PRR35: variants seen among roughly 807,000 people sequenced by gnomAD.
PRR35 encodes the protein proline rich 35.
PRR35 carries 14 observed loss-of-function variants against 18.6 expected under a neutral mutation model. The observed-to-expected ratio is 0.75, with a 90% confidence interval of 0.50 to 1.18. PRR35 has a LOEUF of 1.18. Ranked by LOEUF, PRR35 falls within the 50% of genes most tolerant of loss-of-function variation. The pLI is 0.00. For synonymous variants in PRR35, 425 were observed against 378.2 expected, an observed-to-expected ratio of 1.12 and a Z score of -1.43; for missense variants, 832 against 792.2, an observed-to-expected ratio of 1.05 and a Z score of -0.60.
At position 564,221 on chromosome 16, in the gene PRR35, G is replaced by T; in HGVS notation, c.927G>T (p.Leu309=). The T allele has an allele frequency of 6.4e-7, 1 of 1,570,466 alleles. No individual in the cohort carries two copies. The highest frequency in any genetic ancestry group is 8.6e-7 in the Non-Finnish European group (1 of 1,164,076). Residue 309 remains leucine, a synonymous_variant, in exon 2 of 3, where the codon CTG becomes CTT. Coordinates refer to ENST00000409413, the MANE Select transcript of PRR35 (RefSeq NM_145270.3). ...PGLLKVPVPG[L]GPWPRVTPRD... ...TGCTGAAGGTGCCAGTTCCAGGGCT[G>T]GGGCCCTGGCCCCGAGTCACCCCCA...
Position 565,240 on chromosome 16 carries a change from C to CGACG in PRR35, c.1650_1653dup (p.Arg552AspfsTer8). On this transcript the variant is annotated frameshift_variant, in exon 3 of 3. Coordinates refer to ENST00000409413, the MANE Select transcript of PRR35 (RefSeq NM_145270.3). LOFTEE classifies it low-confidence loss of function (END_TRUNC). Reference sequence around the variant, plus strand: ...GGCAGTGGCTGGGGCACCTGTGTTGCGACGAGGAGTTCCCAGACCCCTGAG... The same window carrying CGACG: ...GGCAGTGGCTGGGGCACCTGTGTTGCGACGGACGAGGAGTTCCCAGACCCCTGAG... 6.2e-7 allele frequency: 1 copy of CGACG among 1,602,232 alleles called. No homozygotes were observed. Among genetic ancestry groups the CGACG allele is most frequent in the Non-Finnish European group, 8.5e-7 (1 of 1,175,046 alleles).
At chr16:562,519 AGGCGCACACACG>A (rs2035452740) in intron 1 of PRR35, among the ~76,000 whole-genome samples, 3 of 122,128 alleles carry the variant, frequency 2.5e-5, no homozygotes, top group Admixed American at 1.8e-4. Context: ...ATGCACACAC[AGGCGCACACACG>A]TGTGCACACA....
At chr16:559,865 G>A (rs1232610247), upstream of PRR35, 3 of 595,250 alleles carry the variant, frequency 5.0e-6, no homozygotes, top group South Asian at 7.4e-5. Context: ...GCCCAGGGAG[G>A]GCAAGGAAGG....
At chr16:560,991 G>A (rs2035424683) in intron 1 of PRR35, among the ~76,000 whole-genome samples, 1 of 151,176 alleles carries the variant, frequency 6.6e-6, no homozygotes, top group African/African-American at 2.5e-5. Flanking sequence ...GCTGCTGGGT[G>A]CCCCCTCCTG....
intron 1 of PRR35, chr16:561,706 A>G (rs1199466004): frequency 3.0e-6 from 3 of 984,594 alleles, no homozygotes; most frequent in Non-Finnish European, 3.6e-6. Flanking sequence ...GCACCAACAC[A>G]GTGTTTTGGG....
At chr16:562,465 CA>C (rs1194936457) in intron 1 of PRR35, among the ~76,000 whole-genome samples, 10 of 152,138 alleles carry the variant, frequency 6.6e-5, no homozygotes, top group Non-Finnish European at 1.3e-4. Flanking sequence ...CATGCACACA[CA>C]ATGCACACAC....
Position 560,422 on chromosome 16 carries a change from GGGACGCGGGC to G in PRR35, c.-276_-267del. On this transcript the variant is annotated 5_prime_UTR_variant, in exon 1 of 3. Coordinates refer to ENST00000409413, the MANE Select transcript of PRR35 (RefSeq NM_145270.3). Reference sequence around the variant, plus strand: ...TTCGGGAGGTGCGAGCGGCGTCGGGGGGACGCGGGCGGCGGCGGAGGCTGCGGGAGTCGCT... The same window carrying G: ...TTCGGGAGGTGCGAGCGGCGTCGGGGGGCGGCGGAGGCTGCGGGAGTCGCT... The G allele has an allele frequency of 1.0e-6, 1 of 983,164 alleles. No homozygotes were observed. The allele number at this position is 983,164 out of a possible 1,614,324, so 60.9% of individuals were successfully genotyped here.
intron 1 of PRR35, among the ~76,000 whole-genome samples, chr16:563,046 T>TTTTTC (rs2035466755): frequency 6.6e-6 from 1 of 151,586 alleles, no homozygotes; most frequent in African/African-American, 2.4e-5. Context: ...TTTTTTTTTT[T>TTTTTC]TTTTTGGTGC....
chr16:563,170 T>A, intron 1 of PRR35, 86 bp from the exon 2 acceptor site: 1 of 1,290,800 alleles, frequency 7.7e-7, no homozygotes, highest in Non-Finnish European at 1.0e-6. Context: ...CAGGCTCCAG[T>A]CCCTGGAGCC....
chr16:562,970 G>A (rs2035464131), intron 1 of PRR35, among the ~76,000 whole-genome samples: 1 of 151,722 alleles, frequency 6.6e-6, no homozygotes, highest in African/African-American at 2.4e-5. Context: ...TATTGCCTAG[G>A]CTACACTTAA....
chr16:563,345 G>C lies in PRR35; in HGVS notation c.51G>C (p.Arg17=), dbSNP rs1046872260. The stretch of plus-strand genomic sequence containing the variant: ...GCGTGGGCACAGGGGCGAGGGCGCG[G>C]TCTCGGAAGCCCAAGAAGCCACACT... The part of the protein sequence containing the change: ...SCRVGTGARA[R]SRKPKKPHYI... Residue 17 remains arginine, a synonymous_variant, in exon 2 of 3, where the codon CGG becomes CGC. Transcript: ENST00000409413. The C allele has an allele frequency of 6.2e-7, 1 of 1,611,914 alleles. No individual in the cohort carries two copies. The highest frequency in any genetic ancestry group is 1.3e-5 in the African/African-American group (1 of 74,884).
At chr16:564,631 C>A in intron 2 of PRR35, 43 bp from the exon 3 acceptor site, 1 of 1,479,922 alleles carries the variant, frequency 6.8e-7, no homozygotes. Flanking sequence ...GCCGGGGGCG[C>A]TGTGGGGGCA....
chr16:561,777 G>A (rs544551309), intron 1 of PRR35: 470 of 985,454 alleles, frequency 4.8e-4, no homozygotes, highest in Non-Finnish European at 5.0e-4. Context: ...GCATGACCAC[G>A]GGTGCGACCC....
chr16:560,229 G>A (rs1409117113), upstream of PRR35: 7 of 623,722 alleles, frequency 1.1e-5, no homozygotes, highest in Non-Finnish European at 1.2e-5. Context: ...CCCGGCGCAC[G>A]AGGCCGGTGA....
chr16:562,873 T>C (rs1001145577), intron 1 of PRR35, among the ~76,000 whole-genome samples: 1 of 152,260 alleles, frequency 6.6e-6, no homozygotes, highest in East Asian at 1.9e-4. Flanking sequence ...TGGGGATGTG[T>C]GTAGGGTCAA....
chr16:560,084 C>T (rs1596372521), upstream of PRR35, among the ~76,000 whole-genome samples: 4 of 151,866 alleles, frequency 2.6e-5, no homozygotes, highest in South Asian at 8.3e-4. Flanking sequence ...ACCCCCGCGG[C>T]AGCCTGCGGG....
intron 1 of PRR35, 84 bp downstream of exon 1, chr16:560,745 A>C (rs886682507): frequency 5.9e-5 from 51 of 863,262 alleles, no homozygotes; most frequent in Non-Finnish European, 7.0e-5. Context: ...GCGGGTGGCC[A>C]GGCGTGTGGG....
intron 1 of PRR35, 118 bp from the exon 2 acceptor site, chr16:563,138 G>A: frequency 9.7e-7 from 1 of 1,031,544 alleles, no homozygotes; most frequent in South Asian, 1.8e-5. Context: ...CAGGGCAGAG[G>A]CGGCGGGGTG....
chr16:565,054 A>G lies in PRR35; in HGVS notation c.1463A>G (p.Glu488Gly). 6 of 1,594,562 alleles carry G rather than the reference A, an allele frequency of 3.8e-6. No homozygotes were observed. Among genetic ancestry groups the G allele is most frequent in the Non-Finnish European group, 5.1e-6 (6 of 1,170,874 alleles). Residue 488 changes from glutamate (E) to glycine (G), a missense_variant, in exon 3 of 3, where the codon GAG becomes GGG. Around this residue, in one of 3 missense-constraint regions of PRR35, gnomAD observed 768 missense variants for 704.1 expected, o/e 1.09. Coordinates refer to ENST00000409413, the MANE Select transcript of PRR35 (RefSeq NM_145270.3). ...CTTGGAGAGGCGTGGGGGCGGCCCGAGCTGGGTCCCGTGTTGACCGGGGGC... is the reference window on the plus strand; with the variant it reads ...CTTGGAGAGGCGTGGGGGCGGCCCGGGCTGGGTCCCGTGTTGACCGGGGGC... ...QALGEAWGRP[E>G]LGPVLTGGTP...
Sources: allele counts gnomAD v4.1 joint callset (sites outside exome capture counted in the v4.1 genomes callset), GRCh38; gene constraint gnomAD v4.1.1; regional missense constraint gnomAD v4.1.1; transcripts MANE v1.5; gene names NCBI Gene and HGNC (gene_info 2026-07-23, HGNC 2026-07-21).